Variants in GRID1 observed in about 807,000 individuals in gnomAD.
GRID1 encodes glutamate receptor ionotropic, delta-1.
Under a neutral mutation model 98.0 loss-of-function variants are expected in GRID1, and 28 were observed. The ratio of observed to expected loss-of-function variants is 0.29; its 90% CI spans 0.21 to 0.39. The LOEUF (loss-of-function observed/expected upper bound fraction) is 0.39. GRID1 is among the 10% of genes least tolerant of loss of function. The pLI, the probability that GRID1 is intolerant of heterozygous loss-of-function variation, is 1.00. For missense variants in GRID1, 1,111 were observed against 1,340.5 expected (o/e 0.83, Z 2.67); for synonymous variants, 553 against 538.5 (o/e 1.03, Z -0.37).
chr10:85,975,845 G>T (rs1842465697), intron 4 of GRID1, among the ~76,000 whole-genome samples: 1 of 152,122 alleles, frequency 6.6e-6, no homozygotes, highest in African/African-American at 2.4e-5. Flanking sequence ...GACAATAGTG[G>T]TTTCTTTCCT....
At chr10:86,300,160 G>A (rs1166687190) in intron 2 of GRID1, among the ~76,000 whole-genome samples, 1 of 151,964 alleles carries the variant, frequency 6.6e-6, no homozygotes, top group Non-Finnish European at 1.5e-5. Flanking sequence ...GAAAATGGGG[G>A]ATGCATCTAC....
intron 2 of GRID1, among the ~76,000 whole-genome samples, chr10:86,270,416 G>T (rs139200826): frequency 1.3e-5 from 2 of 151,844 alleles, no homozygotes; most frequent in African/African-American, 2.4e-5. Flanking sequence ...TGGTCCAGGC[G>T]CAGTGGCTCA....
chr10:86,285,512 G>T (rs1225807460), intron 2 of GRID1, among the ~76,000 whole-genome samples: 1 of 152,170 alleles, frequency 6.6e-6, no homozygotes, highest in African/African-American at 2.4e-5. Context: ...GGCCCCTGCC[G>T]ACTGGGTCAA....
At chr10:86,117,853 T>C (rs1277827537) in intron 4 of GRID1, among the ~76,000 whole-genome samples, 1 of 152,200 alleles carries the variant, frequency 6.6e-6, no homozygotes, top group Non-Finnish European at 1.5e-5. Flanking sequence ...ACACTGTTGG[T>C]GAGAATGTAA....
chr10:85,941,994 G>A (rs1441513884), intron 4 of GRID1, among the ~76,000 whole-genome samples: 1 of 152,158 alleles, frequency 6.6e-6, no homozygotes, highest in Non-Finnish European at 1.5e-5. Flanking sequence ...CACTGGAGGG[G>A]TCATCTTTCC....
intron 8 of GRID1, among the ~76,000 whole-genome samples, chr10:85,733,503 G>A: frequency 1.3e-5 from 2 of 152,310 alleles, no homozygotes; most frequent in Middle Eastern, 3.4e-3. Context: ...CCACTTACCT[G>A]AGTGACCTCA....
At chr10:85,956,831 G>A (rs943121077) in intron 4 of GRID1, among the ~76,000 whole-genome samples, 3 of 152,170 alleles carry the variant, frequency 2.0e-5, no homozygotes, top group Admixed American at 6.5e-5. Context: ...TAAAGTTGGG[G>A]AACTGTTGGA....
intron 12 of GRID1, among the ~76,000 whole-genome samples, chr10:85,682,624 A>G (rs961636554): frequency 2.0e-5 from 3 of 152,216 alleles, no homozygotes. Context: ...ATAAACACAG[A>G]CAAACATCTT....
chr10:86,169,282 T>A (rs1304479288), intron 3 of GRID1, among the ~76,000 whole-genome samples: 1 of 152,242 alleles, frequency 6.6e-6, no homozygotes. Flanking sequence ...CTGTTGAGCT[T>A]GTCAAGCCAC....
At position 86,206,254 on chromosome 10, in the gene GRID1, T is replaced by C. The variant is rs933496209; in HGVS notation, c.520+110A>G. On this transcript the variant is annotated intron_variant, in intron 3 of 15. Transcript: ENST00000327946. The surrounding 1 kb of genome is among the most constrained non-coding windows in gnomAD (Gnocchi z 4.1). Reference sequence around the variant, plus strand: ...TTGACCCTATCACCTGGAGGCCCACTCAGCACAGACCACCCCTGACCGGTC... The same window carrying C: ...TTGACCCTATCACCTGGAGGCCCACCCAGCACAGACCACCCCTGACCGGTC... 3 of 1,020,616 alleles carry C rather than the reference T, an allele frequency of 2.9e-6. No homozygotes were observed. The highest frequency in any genetic ancestry group is 1.4e-6 in the Non-Finnish European group (1 of 709,450). 63.2% of individuals were successfully genotyped at this position (1,020,616 alleles called of 1,614,324 possible).
intron 4 of GRID1, among the ~76,000 whole-genome samples, chr10:86,016,522 C>A (rs888379059): frequency 6.6e-6 from 1 of 152,094 alleles, no homozygotes; most frequent in Non-Finnish European, 1.5e-5. Flanking sequence ...TCTATGAATT[C>A]TCTCTAAATT....
chr10:86,262,709 A>G (rs953965245), intron 2 of GRID1, among the ~76,000 whole-genome samples: 1 of 152,230 alleles, frequency 6.6e-6, no homozygotes, highest in African/African-American at 2.4e-5. Context: ...GGCCAACGAC[A>G]CGCAAACCTA....
chr10:85,665,097 G>A (rs1254764308), intron 12 of GRID1, among the ~76,000 whole-genome samples: 9 of 152,126 alleles, frequency 5.9e-5, no homozygotes, highest in Non-Finnish European at 2.9e-5. Flanking sequence ...TACTGTTGTT[G>A]TTAAGGTAAT....
chr10:86,343,675 G>A (rs1161864345), intron 2 of GRID1, among the ~76,000 whole-genome samples: 12 of 152,238 alleles, frequency 7.9e-5, no homozygotes, highest in Admixed American at 7.8e-4. Context: ...GTGTGAGAGG[G>A]TATCCTTTCT....
chr10:86,354,360 G>A (rs950988136), intron 2 of GRID1, among the ~76,000 whole-genome samples: 2 of 152,210 alleles, frequency 1.3e-5, no homozygotes, highest in African/African-American at 2.4e-5. Flanking sequence ...CAGGAGGATG[G>A]AAAACATGGT....
chr10:86,321,681 C>T (rs77532868), intron 2 of GRID1, among the ~76,000 whole-genome samples: 4,653 of 152,242 alleles, frequency 0.031, 105 homozygotes, highest in Non-Finnish European at 0.048. Flanking sequence ...GGGTGGCTGG[C>T]AGGGCCATGA....
At chr10:86,306,513 C>T (rs569106915) in intron 2 of GRID1, among the ~76,000 whole-genome samples, 1 of 152,258 alleles carries the variant, frequency 6.6e-6, no homozygotes, top group South Asian at 2.1e-4. Context: ...AAGTAGAAAC[C>T]TGTGGTAACC....
At chr10:85,694,213 C>A (rs1297319834) in intron 12 of GRID1, among the ~76,000 whole-genome samples, 1 of 151,818 alleles carries the variant, frequency 6.6e-6, no homozygotes, top group Non-Finnish European at 1.5e-5. Context: ...GTAAATTAAA[C>A]CTACAGTGAG....
At chr10:86,180,867 G>A (rs1845645418) in intron 3 of GRID1, among the ~76,000 whole-genome samples, 1 of 152,200 alleles carries the variant, frequency 6.6e-6, no homozygotes, top group Non-Finnish European at 1.5e-5. Flanking sequence ...GGAGACCAGT[G>A]CCAGACCAGA....
Sources: gnomAD v4.1 joint callset for allele counts (sites outside exome capture counted in the v4.1 genomes callset) on GRCh38, gnomAD v4.1.1 for gene constraint, Gnocchi (gnomAD v3.1) non-coding constraint, MANE v1.5 for transcripts, NCBI Gene and HGNC (gene_info 2026-07-23, HGNC 2026-07-21) for gene names.